FBXL7: variants seen among roughly 807,000 people sequenced by gnomAD.
The protein encoded by FBXL7 is F-box and leucine rich repeat protein 7.
Under a neutral mutation model 38.3 loss-of-function variants are expected in FBXL7, and 12 were observed. That is an observed-to-expected ratio of 0.31 (90% confidence interval 0.20 to 0.51). The LOEUF (loss-of-function observed/expected upper bound fraction) is 0.51, where lower values mean the gene tolerates loss of function less well. Among genes scored for constraint, FBXL7 ranks in the 20% least tolerant of loss-of-function variants. The pLI, the probability that FBXL7 is intolerant of heterozygous loss-of-function variation, is 0.98. For synonymous variants in FBXL7, 297 were observed against 300.9 expected (o/e 0.99, Z 0.13); for missense variants, 567 against 676.4 (o/e 0.84, Z 1.79).
At chr5:15,851,558 C>T (rs1213946967) in intron 2 of FBXL7, among the ~76,000 whole-genome samples, 1 of 151,992 alleles carries the variant, frequency 6.6e-6, no homozygotes, top group Non-Finnish European at 1.5e-5. Flanking sequence ...TTGTTCTGCC[C>T]GTGAGTGGGG....
At chr5:15,631,055 G>A (rs1740980574) in intron 2 of FBXL7, among the ~76,000 whole-genome samples, 2 of 151,998 alleles carry the variant, frequency 1.3e-5, no homozygotes, top group Admixed American at 1.3e-4. Flanking sequence ...TCTTTAACTT[G>A]TTGAGAGGTG....
At chr5:15,602,964 G>A (rs983996617) in intron 1 of FBXL7, among the ~76,000 whole-genome samples, 2 of 152,044 alleles carry the variant, frequency 1.3e-5, no homozygotes, top group African/African-American at 4.8e-5. Flanking sequence ...CTCCCAACTA[G>A]CTAGGACTAC....
intron 2 of FBXL7, among the ~76,000 whole-genome samples, chr5:15,904,755 G>T (rs2126416275): frequency 6.6e-6 from 1 of 152,030 alleles, no homozygotes; most frequent in Non-Finnish European, 1.5e-5. Context: ...GTGCTCTTTA[G>T]TTAATACATT....
At chr5:15,902,124 T>C (rs1046630821) in intron 2 of FBXL7, among the ~76,000 whole-genome samples, 6 of 152,198 alleles carry the variant, frequency 3.9e-5, no homozygotes, top group Non-Finnish European at 5.9e-5. Context: ...CTTCTCTCTG[T>C]ATGGGGAGTA....
chr5:15,827,497 G>T (rs993927183), intron 2 of FBXL7, among the ~76,000 whole-genome samples: 19 of 152,016 alleles, frequency 1.2e-4, no homozygotes, highest in South Asian at 2.1e-4. Context: ...CAAATTTATT[G>T]GTTCAAAGTT....
At chr5:15,549,630 A>T (rs540221945) in intron 1 of FBXL7, among the ~76,000 whole-genome samples, 1 of 152,354 alleles carries the variant, frequency 6.6e-6, no homozygotes, top group Admixed American at 6.5e-5. Context: ...AAGCAATTGT[A>T]GTCAATTATT....
At chr5:15,667,158 A>G (rs980243726) in intron 2 of FBXL7, among the ~76,000 whole-genome samples, 9 of 152,198 alleles carry the variant, frequency 5.9e-5, no homozygotes, top group Non-Finnish European at 1.2e-4. Flanking sequence ...GCCAATAGCA[A>G]TCCTAGGCTA....
intron 2 of FBXL7, among the ~76,000 whole-genome samples, chr5:15,815,601 G>C (rs891191942): frequency 2.4e-4 from 37 of 152,112 alleles, no homozygotes; most frequent in African/African-American, 8.9e-4. Flanking sequence ...ACTCAATCAA[G>C]ATACTTGACT....
chr5:15,820,376 C>G lies in FBXL7; in HGVS notation c.128-107514C>G, dbSNP rs575731720. Among the ~76,000 whole-genome samples the G allele has an allele frequency of 5.9e-5, 9 of 152,290 alleles. 1 individual carries two copies. The South Asian group carries it at 8.3e-4, about 14-fold the overall frequency. On this transcript the variant is annotated intron_variant, in intron 2 of 3. Transcript: ENST00000504595. ...CCTGATCTGGATCCCATCCCATCCT[C>G]TCTCCCAAGAGGGCTCTGTTAATTC...
chr5:15,902,111 A>G (rs1741247044), intron 2 of FBXL7, among the ~76,000 whole-genome samples: 1 of 152,062 alleles, frequency 6.6e-6, no homozygotes, highest in Non-Finnish European at 1.5e-5. Flanking sequence ...TGTTGCTCTT[A>G]ACCTTCTCTC....
chr5:15,518,017 G>C (rs544170438), intron 1 of FBXL7, among the ~76,000 whole-genome samples: 3 of 152,084 alleles, frequency 2.0e-5, no homozygotes, highest in Admixed American at 6.5e-5. Flanking sequence ...TTGAGACAGG[G>C]TCTCGCTCTG....
At chr5:15,885,448 T>A (rs1740637432) in intron 2 of FBXL7, among the ~76,000 whole-genome samples, 1 of 152,210 alleles carries the variant, frequency 6.6e-6, no homozygotes, top group Non-Finnish European at 1.5e-5. Flanking sequence ...CTCCAGGGGA[T>A]GTGATTACAC....
intron 1 of FBXL7, among the ~76,000 whole-genome samples, chr5:15,534,758 C>G (rs1737531385): frequency 6.6e-6 from 1 of 152,178 alleles, no homozygotes; most frequent in Non-Finnish European, 1.5e-5. Context: ...GTGGCTGTAC[C>G]ATTTTGCAGT....
At chr5:15,532,390 C>T (rs746635007) in intron 1 of FBXL7, among the ~76,000 whole-genome samples, 3 of 152,234 alleles carry the variant, frequency 2.0e-5, no homozygotes, top group Non-Finnish European at 2.9e-5. Context: ...TGACTGAAAG[C>T]TCTTTCAACC....
chr5:15,811,219 A>C (rs1737851517), intron 2 of FBXL7, among the ~76,000 whole-genome samples: 1 of 152,198 alleles, frequency 6.6e-6, no homozygotes, highest in African/African-American at 2.4e-5. Flanking sequence ...ATGAATCTTT[A>C]AAGTGTGTCT....
intron 2 of FBXL7, among the ~76,000 whole-genome samples, chr5:15,632,015 A>G (rs79060911): frequency 0.085 from 12,915 of 152,256 alleles, 628 homozygotes; most frequent in South Asian, 0.13. Flanking sequence ...CCCTAAAGCT[A>G]AAGGCCGACT....
chr5:15,873,002 T>G (rs1740034359), intron 2 of FBXL7, among the ~76,000 whole-genome samples: 1 of 152,128 alleles, frequency 6.6e-6, no homozygotes, highest in African/African-American at 2.4e-5. Context: ...CACATAGCAC[T>G]TATTCTAAAA....
At chr5:15,809,448 A>G (rs1054624394) in intron 2 of FBXL7, among the ~76,000 whole-genome samples, 1 of 152,210 alleles carries the variant, frequency 6.6e-6, no homozygotes, top group African/African-American at 2.4e-5. Context: ...GACCAATAAT[A>G]GAATTAACTT....
Position 15,936,871 on chromosome 5 carries a change from G to A in FBXL7, c.1161G>A (p.Glu387=). The change falls in exon 4 of 4, where the codon GAG becomes GAA. Residue 387 remains glutamate (E), a synonymous_variant. Coordinates refer to ENST00000504595, the MANE Select transcript of FBXL7 (RefSeq NM_012304.5). The surrounding 1 kb of genome is among the most constrained non-coding windows in gnomAD (Gnocchi z 6.0). ...GCTACCTCAACGCGAGGGGCTGCGA[G>A]GGCATCACGGACCACGGTGTGGAGT... ...KLRYLNARGC[E]GITDHGVEYL... 1 of 1,613,964 alleles carries A rather than the reference G, an allele frequency of 6.2e-7. No homozygotes were observed. Among genetic ancestry groups the A allele is most frequent in the Non-Finnish European group, 8.5e-7 (1 of 1,179,858 alleles).
Sources: gnomAD v4.1 joint callset for allele counts (sites outside exome capture counted in the v4.1 genomes callset) on GRCh38, gnomAD v4.1.1 for gene constraint, Gnocchi (gnomAD v3.1) non-coding constraint, MANE v1.5 for transcripts, NCBI Gene and HGNC (gene_info 2026-07-23, HGNC 2026-07-21) for gene names.